Variants in LRRC37A2 observed in about 807,000 individuals in gnomAD.
LRRC37A2 encodes leucine-rich repeat-containing protein 37A2.
Under a neutral mutation model 68.8 loss-of-function variants are expected in LRRC37A2, and 9 were observed. That is an observed-to-expected ratio of 0.13 (90% confidence interval 0.08 to 0.23). The LOEUF is 0.23. Ranked by LOEUF, LRRC37A2 falls within the 10% of genes least tolerant of loss-of-function variation. LRRC37A2 has a pLI of 1.00. For synonymous variants in LRRC37A2, 63 were observed against 367.6 expected, an observed-to-expected ratio of 0.17 and a Z score of 9.48; for missense variants, 168 against 950.4, an observed-to-expected ratio of 0.18 and a Z score of 10.82.
At chr17:47,011,588 T>C in the LRRC37A2 span, among the ~76,000 whole-genome samples, 4 of 145,926 alleles carry the variant, frequency 2.7e-5, no homozygotes, top group Non-Finnish European at 6.0e-5. Context: ...TTTTTTAATG[T>C]GGAGATGAGG....
At chr17:46,978,881 C>A in the LRRC37A2 span, 2 of 1,553,882 alleles carry the variant, frequency 1.3e-6, no homozygotes, top group Non-Finnish European at 1.7e-6. Flanking sequence ...GCCAGCGGTG[C>A]GCCCCCTGGA....
At chr17:46,838,531 G>T in the LRRC37A2 span, among the ~76,000 whole-genome samples, 1 of 152,024 alleles carries the variant, frequency 6.6e-6, no homozygotes, top group African/African-American at 2.4e-5. Context: ...GGAGGCTAAG[G>T]CAGGAGGATC....
chr17:47,017,084 T>G, the LRRC37A2 span: 382 of 1,488,104 alleles, frequency 2.6e-4, no homozygotes, highest in Non-Finnish European at 3.3e-4. Context: ...GATTGTGACA[T>G]AAGAGTGCCC....
At chr17:46,933,434 C>T in the LRRC37A2 span, 4 of 152,202 alleles carry the variant, frequency 2.6e-5, no homozygotes, top group Admixed American at 6.5e-5. Flanking sequence ...GTCTTTCAAA[C>T]GCCAGCATCT....
chr17:46,870,716 C>A, the LRRC37A2 span, among the ~76,000 whole-genome samples: 3 of 152,168 alleles, frequency 2.0e-5, no homozygotes, highest in Non-Finnish European at 2.9e-5. Flanking sequence ...GGCCTCCAGC[C>A]AGATGTCCTG....
At chr17:46,878,934 C>T in the LRRC37A2 span, among the ~76,000 whole-genome samples, 1 of 152,162 alleles carries the variant, frequency 6.6e-6, no homozygotes, top group Admixed American at 6.5e-5. Flanking sequence ...CTGTCTCTCT[C>T]CCTCTCTTCT....
the LRRC37A2 span, among the ~76,000 whole-genome samples, chr17:46,970,186 C>T: frequency 6.6e-6 from 1 of 152,100 alleles, no homozygotes; most frequent in African/African-American, 2.4e-5. Flanking sequence ...CCTCATCTCC[C>T]CCATCATCTC....
the LRRC37A2 span, among the ~76,000 whole-genome samples, chr17:46,684,465 G>C: frequency 4.7e-4 from 71 of 152,198 alleles, no homozygotes; most frequent in African/African-American, 1.7e-3. Flanking sequence ...ATTGTAATGG[G>C]ATTGCTGGGT....
At chr17:46,704,033 T>C in the LRRC37A2 span, among the ~76,000 whole-genome samples, 1 of 149,384 alleles carries the variant, frequency 6.7e-6, no homozygotes, top group East Asian at 2.0e-4. Context: ...GAATTTTCTT[T>C]CTTTTTAATG....
the LRRC37A2 span, chr17:46,884,904 A>G: frequency 3.0e-6 from 1 of 338,820 alleles, no homozygotes; most frequent in Non-Finnish European, 5.8e-6. Context: ...ACTTGGTTCA[A>G]ATATCTCCAG....
the LRRC37A2 span, among the ~76,000 whole-genome samples, chr17:47,035,455 C>T: frequency 6.6e-6 from 1 of 152,224 alleles, no homozygotes; most frequent in Admixed American, 6.5e-5. Context: ...TTTCACGAAG[C>T]ATGTTGTTTC....
the LRRC37A2 span, among the ~76,000 whole-genome samples, chr17:46,922,146 T>C: frequency 2.0e-5 from 3 of 152,190 alleles, no homozygotes; most frequent in African/African-American, 4.8e-5. Context: ...TGGAATACTA[T>C]GCAGCCATAA....
At chr17:46,621,223 A>G in the LRRC37A2 span, among the ~76,000 whole-genome samples, 2 of 149,942 alleles carry the variant, frequency 1.3e-5, no homozygotes, top group Admixed American at 1.3e-4. Flanking sequence ...TTGCAGCAAT[A>G]GTTTACCTGT....
chr17:46,961,830 G>A, the LRRC37A2 span, among the ~76,000 whole-genome samples: 1 of 152,178 alleles, frequency 6.6e-6, no homozygotes, highest in Non-Finnish European at 1.5e-5. Flanking sequence ...AATGCCTACT[G>A]TATGCAGAGC....
chr17:46,751,596 C>A, the LRRC37A2 span: 1 of 1,612,662 alleles, frequency 6.2e-7, no homozygotes, highest in Non-Finnish European at 8.5e-7. Flanking sequence ...GTTACTAATG[C>A]TGATCGAGAT....
At chr17:46,712,348 G>A in the LRRC37A2 span, among the ~76,000 whole-genome samples, 4 of 152,146 alleles carry the variant, frequency 2.6e-5, no homozygotes, top group Non-Finnish European at 4.4e-5. Context: ...AGTCCTCCAA[G>A]GGTAGATGCT....
chr17:46,849,079 C>T, the LRRC37A2 span, among the ~76,000 whole-genome samples: 1 of 152,210 alleles, frequency 6.6e-6, no homozygotes, highest in African/African-American at 2.4e-5. Flanking sequence ...CATGGGCAAG[C>T]TGGAAGGCAC....
chr17:47,001,336 C>T, the LRRC37A2 span, among the ~76,000 whole-genome samples: 3 of 152,158 alleles, frequency 2.0e-5, no homozygotes, highest in African/African-American at 4.8e-5. Context: ...ATAAATTGCA[C>T]AGCACGCCGG....
the LRRC37A2 span, chr17:46,978,541 C>G: frequency 7.0e-7 from 1 of 1,422,402 alleles, no homozygotes; most frequent in Non-Finnish European, 9.3e-7. Flanking sequence ...AGGCACGTAG[C>G]TGCCCGCCCG....
Sources: allele counts gnomAD v4.1 joint callset (sites outside exome capture counted in the v4.1 genomes callset), GRCh38; gene constraint gnomAD v4.1.1; transcripts MANE v1.5; gene names NCBI Gene and HGNC (gene_info 2026-07-23, HGNC 2026-07-21).